The following DCC variants were observed in gnomAD, a reference collection of about 807,000 sequenced individuals.
DCC encodes netrin receptor DCC.
A neutral mutation model predicts 172.5 loss-of-function variants in DCC; 58 were observed. That is an observed-to-expected ratio of 0.34 (90% CI 0.27 to 0.42). The LOEUF is 0.42. DCC is among the 10% of genes least tolerant of loss of function. The pLI is 1.00. For missense variants in DCC, 1,740 were observed against 1,791.0 expected (o/e 0.97, Z 0.51); for synonymous variants, 709 against 644.5 (o/e 1.10, Z -1.52).
At chr18:52,904,259 A>G (rs562388310) in intron 2 of DCC, among the ~76,000 whole-genome samples, 1 of 152,312 alleles carries the variant, frequency 6.6e-6, no homozygotes, top group South Asian at 2.1e-4. Context: ...CTAGGATTGC[A>G]GGTCTATTTC....
At chr18:53,377,506 C>A (rs982795690) in intron 15 of DCC, among the ~76,000 whole-genome samples, 58 of 152,296 alleles carry the variant, frequency 3.8e-4, no homozygotes, top group African/African-American at 1.2e-3. Context: ...CCAATCACCT[C>A]TTACATGTCC....
At chr18:52,566,824 C>T (rs1418283054) in intron 1 of DCC, among the ~76,000 whole-genome samples, 1 of 151,968 alleles carries the variant, frequency 6.6e-6, no homozygotes, top group African/African-American at 2.4e-5. Flanking sequence ...TTTGGGCTTG[C>T]CATTAATACG....
chr18:53,212,780 C>T (rs1430923979), intron 11 of DCC, among the ~76,000 whole-genome samples: 1 of 151,932 alleles, frequency 6.6e-6, no homozygotes, highest in African/African-American at 2.4e-5. Context: ...AAGTGATTCT[C>T]CTGCCTCAAC....
chr18:52,561,165 G>A lies in DCC; in HGVS notation c.92-190889G>A, dbSNP rs551530884. Among the ~76,000 whole-genome samples, 7 of 151,900 alleles carry A rather than the reference G, an allele frequency of 4.6e-5. No homozygotes were observed. In the East Asian group the frequency reaches 1.4e-3, roughly 29 times the overall value. ...TTACAAATGTACAGGTATTATATAG[G>A]AGTTTGGTTAAATATATTTTATTGG... On this transcript the variant is annotated intron_variant, in intron 1 of 28. Coordinates refer to ENST00000442544, the MANE Select transcript of DCC (RefSeq NM_005215.4).
In DCC at chr18:53,499,435, G is replaced by C. The variant is rs2046068869; in HGVS notation, c.4036G>C (p.Ala1346Pro). 1.2e-6 allele frequency: 2 copies of C among 1,613,944 alleles called. No individual in the cohort carries two copies. The highest frequency in any genetic ancestry group is 8.5e-7 in the Non-Finnish European group (1 of 1,180,002). The change falls in exon 27 of 29, where the codon GCT (alanine) becomes CCT (proline). Residue 1346 changes from alanine (A) to proline (P), a missense_variant. This residue lies in a region of DCC where 1,732 missense variants were observed against 1,767.4 expected (regional missense o/e 0.98). Transcript: ENST00000442544. ...ACCAACTCACCCACTCCGCAGCTTT[G>C]CTAATCCTTTGCTACCTCCACCAAT... Reference protein sequence around the residue: ...VRPTHPLRSFANPLLPPPMSA... With the variant: ...VRPTHPLRSFPNPLLPPPMSA...
intron 1 of DCC, among the ~76,000 whole-genome samples, chr18:52,380,507 T>C (rs1029768834): frequency 1.3e-5 from 2 of 152,084 alleles, no homozygotes; most frequent in African/African-American, 4.8e-5. Flanking sequence ...ATTCCCCACA[T>C]CTCTAAACTC....
chr18:53,057,879 A>T (rs551750284), intron 5 of DCC, among the ~76,000 whole-genome samples: 5 of 152,208 alleles, frequency 3.3e-5, no homozygotes, highest in African/African-American at 1.2e-4. Context: ...AAGAACCTTA[A>T]TCTGGTTGGT....
chr18:52,953,000 C>CA (rs11315976), intron 5 of DCC, among the ~76,000 whole-genome samples: 7,546 of 52,204 alleles, frequency 0.14, 1,744 homozygotes, highest in East Asian at 0.24. Flanking sequence ...TCTCCTGTCT[C>CA]AAAAAAAAAA....
chr18:53,349,469 C>G (rs11876254), intron 15 of DCC, among the ~76,000 whole-genome samples: 40,230 of 152,184 alleles, frequency 0.26, 6,065 homozygotes, highest in African/African-American at 0.41. Flanking sequence ...TCCGAAGTCA[C>G]TTCCCACATT....
Position 53,455,720 on chromosome 18 carries a change from T to C in DCC, c.3393-3512T>C, listed in dbSNP as rs140062389. On this transcript the variant is annotated intron_variant, in intron 23 of 28. Coordinates refer to ENST00000442544, the MANE Select transcript of DCC (RefSeq NM_005215.4). ...ACTGACTTCTTGATATTATTAAAAA[T>C]GTATCTATTTGGGCCAAGGCCTCCT... Among the ~76,000 whole-genome samples the C allele has an allele frequency of 8.6e-3, 1,313 of 152,336 alleles. 21 individuals carry two copies. The highest frequency in any genetic ancestry group is 0.027 in the Admixed American group (418 of 15,304).
At chr18:52,588,982 G>C (rs1046324783) in intron 1 of DCC, among the ~76,000 whole-genome samples, 3 of 151,926 alleles carry the variant, frequency 2.0e-5, no homozygotes, top group Non-Finnish European at 4.4e-5. Flanking sequence ...ATTTAACCCA[G>C]TAATACAACA....
intron 27 of DCC, among the ~76,000 whole-genome samples, chr18:53,517,964 A>C (rs971004816): frequency 5.3e-5 from 8 of 152,180 alleles, no homozygotes; most frequent in Non-Finnish European, 5.9e-5. Flanking sequence ...GAAAGGGTAG[A>C]GTATTACACA....
At chr18:53,302,399 C>G (rs764010607) in intron 12 of DCC, among the ~76,000 whole-genome samples, 1 of 152,074 alleles carries the variant, frequency 6.6e-6, no homozygotes. Context: ...ATTCTGACTT[C>G]GAATACTGTA....
chr18:53,027,331 A>G (rs897092424), intron 5 of DCC, among the ~76,000 whole-genome samples: 2 of 152,170 alleles, frequency 1.3e-5, no homozygotes, highest in African/African-American at 4.8e-5. Flanking sequence ...GCCTCAGAGA[A>G]TCCATCCTTA....
intron 7 of DCC, among the ~76,000 whole-genome samples, chr18:53,114,114 C>CAATCGTAACTTGTGCAT (rs1568312828): frequency 6.6e-6 from 1 of 151,424 alleles, no homozygotes; most frequent in Admixed American, 6.6e-5. Flanking sequence ...TAGCCCTTTG[C>CAATCGTAACTTGTGCAT]AATCGTAACT....
intron 12 of DCC, among the ~76,000 whole-genome samples, chr18:53,266,290 G>A (rs2056673277): frequency 6.6e-6 from 1 of 152,118 alleles, no homozygotes; most frequent in Non-Finnish European, 1.5e-5. Flanking sequence ...TACATTGTAT[G>A]GGCCATGTAA....
chr18:53,347,131 C>T (rs528350385), intron 15 of DCC, among the ~76,000 whole-genome samples: 32 of 152,114 alleles, frequency 2.1e-4, no homozygotes, highest in Non-Finnish European at 3.5e-4. Flanking sequence ...TCCCTCATCC[C>T]CTGAAACTAC....
intron 9 of DCC, among the ~76,000 whole-genome samples, chr18:53,187,791 C>A (rs2055306049): frequency 6.6e-6 from 1 of 152,184 alleles, no homozygotes; most frequent in African/African-American, 2.4e-5. Context: ...CCCAAGATCC[C>A]ATGCAATGAG....
At chr18:53,357,265 A>T (rs1418733469) in intron 15 of DCC, among the ~76,000 whole-genome samples, 2 of 152,156 alleles carry the variant, frequency 1.3e-5, no homozygotes, top group South Asian at 4.1e-4. Context: ...GTATTTTTAG[A>T]GGGTAAATTT....
Sources: allele counts gnomAD v4.1 joint callset (sites outside exome capture counted in the v4.1 genomes callset), GRCh38; gene constraint gnomAD v4.1.1; regional missense constraint gnomAD v4.1.1; transcripts MANE v1.5; gene names NCBI Gene and HGNC (gene_info 2026-07-23, HGNC 2026-07-21).